Variants in CCBE1 observed in about 807,000 individuals in gnomAD.
CCBE1 encodes the protein collagen and calcium binding EGF domains 1.
A neutral mutation model predicts 50.0 loss-of-function variants in CCBE1; 37 were observed. The ratio of observed to expected loss-of-function variants is 0.74; its 90% CI spans 0.57 to 0.97. The LOEUF (loss-of-function observed/expected upper bound fraction) is 0.97. Ranked by LOEUF, CCBE1 falls within the 50% of genes least tolerant of loss-of-function variation. The pLI, the probability that CCBE1 is intolerant of heterozygous loss-of-function variation, is 0.00. For missense variants in CCBE1, 538 were observed against 523.8 expected (o/e 1.03, Z -0.26); for synonymous variants, 234 against 203.7 (o/e 1.15, Z -1.27).
chr18:59,475,467 TTC>T (rs1912262586), intron 3 of CCBE1, among the ~76,000 whole-genome samples: 2 of 152,260 alleles, frequency 1.3e-5, no homozygotes, highest in African/African-American at 4.8e-5. Context: ...CAAAACTAAC[TTC>T]TCTTTTTCTT....
intron 2 of CCBE1, among the ~76,000 whole-genome samples, chr18:59,550,850 A>G (rs550442058): frequency 6.6e-6 from 1 of 151,976 alleles, no homozygotes; most frequent in South Asian, 2.1e-4. Context: ...CTAAAAATAC[A>G]AAAAATTAAC....
chr18:59,646,765 G>A (rs2054059784), intron 2 of CCBE1, among the ~76,000 whole-genome samples: 1 of 152,162 alleles, frequency 6.6e-6, no homozygotes, highest in Admixed American at 6.5e-5. Context: ...ATGAGATCTG[G>A]GTGTGCAGCC....
intron 2 of CCBE1, among the ~76,000 whole-genome samples, chr18:59,552,091 C>T (rs1308402664): frequency 6.6e-6 from 1 of 152,218 alleles, no homozygotes; most frequent in Non-Finnish European, 1.5e-5. Context: ...GTGCCAGCTA[C>T]CGTCTGGCCC....
intron 2 of CCBE1, among the ~76,000 whole-genome samples, chr18:59,632,005 A>T (rs892457533): frequency 2.0e-5 from 3 of 152,220 alleles, no homozygotes; most frequent in Non-Finnish European, 2.9e-5. Context: ...AGATGTCCTT[A>T]AGAATTAAAA....
intron 2 of CCBE1, among the ~76,000 whole-genome samples, chr18:59,686,644 T>G (rs1313133553): frequency 6.6e-6 from 1 of 152,194 alleles, no homozygotes; most frequent in Non-Finnish European, 1.5e-5. Flanking sequence ...TTTGTGATGT[T>G]TTCTTTGTAA....
Position 59,621,831 on chromosome 18 carries a change from C to T in CCBE1, c.212+74798G>A, listed in dbSNP as rs1311147697. ...TAGTCTTTGCCTTAATGTCAGAAAT[C>T]AAACATCACGAACATCAGCAGCTTA... On this transcript the variant is annotated intron_variant, in intron 2 of 10. Transcript: ENST00000439986. Among the ~76,000 whole-genome samples, 5 of 152,284 alleles carry T rather than the reference C, an allele frequency of 3.3e-5. No individual in the cohort carries two copies. In the South Asian group the frequency reaches 8.3e-4, roughly 25 times the overall value.
intron 2 of CCBE1, among the ~76,000 whole-genome samples, chr18:59,556,525 G>T (rs1197323739): frequency 6.6e-6 from 1 of 152,124 alleles, no homozygotes; most frequent in East Asian, 1.9e-4. Context: ...AAGACAAAGG[G>T]TTATGCAATA....
rs11410421 is a variant in CCBE1, at chr18:59,693,864, C to CTTTTTTTTTTTTTTTTT, written c.212+2748_212+2764dup. On this transcript the variant is annotated intron_variant, in intron 2 of 10. Coordinates refer to ENST00000439986, the MANE Select transcript of CCBE1 (RefSeq NM_133459.4). ...AGAATATTTCTTGTTAAAGGAAAGC[C>CTTTTTTTTTTTTTTTTT]TTTTTTTTTTTTTTTTTTTTTTTTT... Among the ~76,000 whole-genome samples, 17 of 70,770 alleles carry CTTTTTTTTTTTTTTTTT rather than the reference C, an allele frequency of 2.4e-4. 1 individual carries two copies. Among genetic ancestry groups the CTTTTTTTTTTTTTTTTT allele is most frequent in the African/African-American group, 8.7e-4 (14 of 16,020 alleles). 46.4% of individuals were successfully genotyped at this position (70,770 alleles called of 152,430 possible).
At chr18:59,574,436 G>A (rs1325303749) in intron 2 of CCBE1, among the ~76,000 whole-genome samples, 1 of 152,140 alleles carries the variant, frequency 6.6e-6, no homozygotes, top group African/African-American at 2.4e-5. Flanking sequence ...GAGAAACGGG[G>A]TCTATATCTA....
At chr18:59,573,707 C>T (rs1281524627) in intron 2 of CCBE1, among the ~76,000 whole-genome samples, 3 of 151,882 alleles carry the variant, frequency 2.0e-5, no homozygotes, top group African/African-American at 4.8e-5. Flanking sequence ...CTACTGCCTA[C>T]ACCTTCACAA....
At position 59,544,403 on chromosome 18, in the gene CCBE1, G is replaced by T. The variant is rs144850707; in HGVS notation, c.213-64165C>A. ...CTCACCATTATGAAATAAAAACTCT[G>T]TATTTCTGAACAATTGCTTTTTCCT... On this transcript the variant is annotated intron_variant, in intron 2 of 10. Transcript: ENST00000439986. Among the ~76,000 whole-genome samples the T allele has an allele frequency of 2.4e-3, 366 of 152,282 alleles. 6 individuals carry two copies. Among genetic ancestry groups the T allele is most frequent in the African/African-American group, 8.3e-3 (346 of 41,552 alleles).
Position 59,696,680 on chromosome 18 carries a change from G to A in CCBE1, c.161C>T (p.Thr54Met). Residue 54 changes from threonine (T) to methionine (M), a missense_variant, in exon 2 of 11, where the codon ACG (threonine) becomes ATG (methionine). Coordinates refer to ENST00000439986, the MANE Select transcript of CCBE1 (RefSeq NM_133459.4). ...AGACTTCAGACACGGGTATTTAGTC[G>A]TCGCGATTTTGCTCTCTGAGCAGAT... ...REICSESKIATTKYPCLKSSG... is the reference protein window; with the variant it reads ...REICSESKIAMTKYPCLKSSG... 6.2e-7 allele frequency: 1 copy of A among 1,614,038 alleles called. No homozygotes were observed. Among genetic ancestry groups the A allele is most frequent in the Non-Finnish European group, 8.5e-7 (1 of 1,179,950 alleles).
At chr18:59,633,996 C>T (rs1391840370) in intron 2 of CCBE1, among the ~76,000 whole-genome samples, 1 of 152,110 alleles carries the variant, frequency 6.6e-6, no homozygotes, top group Non-Finnish European at 1.5e-5. Flanking sequence ...TACAAAATTG[C>T]AGGAACTGCA....
chr18:59,504,247 A>G (rs1375829532), intron 2 of CCBE1, among the ~76,000 whole-genome samples: 1 of 152,182 alleles, frequency 6.6e-6, no homozygotes, highest in Non-Finnish European at 1.5e-5. Flanking sequence ...AATCCCCAAG[A>G]AAATAGATTT....
intron 2 of CCBE1, among the ~76,000 whole-genome samples, chr18:59,644,984 A>G (rs570796146): frequency 1.1e-4 from 16 of 152,226 alleles, no homozygotes; most frequent in Non-Finnish European, 2.9e-5. Context: ...GGCCAGATGC[A>G]GTGGCTCACA....
At chr18:59,521,280 AT>A (rs1432524170) in intron 2 of CCBE1, among the ~76,000 whole-genome samples, 1 of 152,200 alleles carries the variant, frequency 6.6e-6, no homozygotes, top group African/African-American at 2.4e-5. Context: ...ATCACAACAG[AT>A]TTTGGATTTA....
intron 2 of CCBE1, among the ~76,000 whole-genome samples, chr18:59,570,559 C>A (rs73961255): frequency 0.025 from 3,763 of 152,168 alleles, 169 homozygotes; most frequent in African/African-American, 0.087. Flanking sequence ...CAGCAGTGAG[C>A]AAGACTTGTT....
chr18:59,564,477 C>A lies in CCBE1; in HGVS notation c.213-84239G>T, dbSNP rs188076733. On this transcript the variant is annotated intron_variant, in intron 2 of 10. Coordinates refer to ENST00000439986, the MANE Select transcript of CCBE1 (RefSeq NM_133459.4). ...TTTCATCATATGACTAGATCATGGTCATTAAACCATTTCTATACTAGTATA... is the reference window on the plus strand; with the variant it reads ...TTTCATCATATGACTAGATCATGGTAATTAAACCATTTCTATACTAGTATA... 1.2e-3 allele frequency among the ~76,000 whole-genome samples: 178 copies of A among 152,296 alleles called. 4 individuals are homozygous for A. The Middle Eastern group carries it at 0.024, about 20-fold the overall frequency.
chr18:59,528,578 GA>G (rs1446375819), intron 2 of CCBE1, among the ~76,000 whole-genome samples: 2 of 152,052 alleles, frequency 1.3e-5, no homozygotes, highest in Non-Finnish European at 2.9e-5. Context: ...TTTTTTTGTT[GA>G]TTTTTTCTCA....
Sources: allele counts gnomAD v4.1 joint callset (sites outside exome capture counted in the v4.1 genomes callset), GRCh38; gene constraint gnomAD v4.1.1; transcripts MANE v1.5; gene names NCBI Gene and HGNC (gene_info 2026-07-23, HGNC 2026-07-21).